OXSR1: variants seen among roughly 807,000 people sequenced by gnomAD.
OXSR1 encodes the protein oxidative stress responsive kinase 1.
In OXSR1, 24 loss-of-function variants were observed where a neutral mutation model predicts 79.8. The observed-to-expected ratio is 0.30, with a 90% confidence interval of 0.22 to 0.42. OXSR1 has a LOEUF of 0.42. Ranked by LOEUF, OXSR1 falls within the 10% of genes least tolerant of loss-of-function variation. The pLI, the probability that OXSR1 is intolerant of heterozygous loss-of-function variation, is 1.00. For missense variants in OXSR1, 430 were observed against 618.4 expected (o/e 0.70, Z 3.23); for synonymous variants, 226 against 209.2 (o/e 1.08, Z -0.69).
chr3:38,207,188 G>A (rs913345334), intron 4 of OXSR1, among the ~76,000 whole-genome samples: 2 of 152,172 alleles, frequency 1.3e-5, no homozygotes, highest in African/African-American at 4.8e-5. Flanking sequence ...AGCTGAATAG[G>A]CATGGTTGCA....
intron 5 of OXSR1, among the ~76,000 whole-genome samples, chr3:38,219,958 C>G (rs1702556716): frequency 6.6e-6 from 1 of 152,076 alleles, no homozygotes; most frequent in Non-Finnish European, 1.5e-5. Context: ...CAGGTGCCTG[C>G]CACAATGCCC....
intron 8 of OXSR1, 125 bp from the exon 9 acceptor site, chr3:38,229,562 A>C (rs1340825954): frequency 1.4e-5 from 9 of 664,798 alleles, no homozygotes; most frequent in Non-Finnish European, 2.4e-5. Context: ...AGTTTAAGGA[A>C]AGTAGAGTAT....
At chr3:38,248,611 G>C (rs977420998) in intron 14 of OXSR1, among the ~76,000 whole-genome samples, 16 of 152,272 alleles carry the variant, frequency 1.1e-4, no homozygotes, top group African/African-American at 3.8e-4. Context: ...ATTGGAGATA[G>C]AGGCAGCAAG....
At chr3:38,182,233 T>C (rs945576574) in intron 1 of OXSR1, among the ~76,000 whole-genome samples, 2 of 152,206 alleles carry the variant, frequency 1.3e-5, no homozygotes, top group Admixed American at 1.3e-4. Flanking sequence ...CCTGTGGATG[T>C]GGGGCCCTGG....
chr3:38,191,068 ACTGT>A (rs1701972852), intron 3 of OXSR1, among the ~76,000 whole-genome samples: 1 of 152,002 alleles, frequency 6.6e-6, no homozygotes, highest in Non-Finnish European at 1.5e-5. Flanking sequence ...CTTTTTAGAG[ACTGT>A]CTGGCTCTGT....
At chr3:38,193,774 C>CCTAG (rs1702026463) in intron 3 of OXSR1, among the ~76,000 whole-genome samples, 1 of 152,028 alleles carries the variant, frequency 6.6e-6, no homozygotes, top group Non-Finnish European at 1.5e-5. Context: ...ATTTTTCTAG[C>CCTAG]CTAGCACTCA....
chr3:38,213,606 A>G (rs1702428758), intron 4 of OXSR1, among the ~76,000 whole-genome samples: 1 of 152,208 alleles, frequency 6.6e-6, no homozygotes, highest in Admixed American at 6.5e-5. Context: ...ATTGTAGCAA[A>G]AGTACTGAAC....
At chr3:38,217,349 G>A (rs1204924205) in intron 5 of OXSR1, among the ~76,000 whole-genome samples, 1 of 152,170 alleles carries the variant, frequency 6.6e-6, no homozygotes, top group East Asian at 1.9e-4. Context: ...TTTCATTACA[G>A]TTGAAGATAT....
intron 8 of OXSR1, 57 bp downstream of exon 8, chr3:38,224,761 A>C: frequency 8.5e-7 from 1 of 1,182,632 alleles, no homozygotes; most frequent in Non-Finnish European, 1.2e-6. Flanking sequence ...GAGAAGTCTA[A>C]GAATCACATA....
intron 11 of OXSR1, among the ~76,000 whole-genome samples, chr3:38,240,165 T>C (rs774046757): frequency 5.3e-5 from 8 of 152,194 alleles, no homozygotes; most frequent in Non-Finnish European, 1.2e-4. Flanking sequence ...TATTTGACTA[T>C]GTGTTCTCAG....
At chr3:38,228,657 G>A (rs1181761545) in intron 8 of OXSR1, among the ~76,000 whole-genome samples, 5 of 152,224 alleles carry the variant, frequency 3.3e-5, no homozygotes, top group East Asian at 3.9e-4. Flanking sequence ...TGCAACCTCC[G>A]CCTCATGGGT....
intron 12 of OXSR1, among the ~76,000 whole-genome samples, chr3:38,244,996 C>T (rs1703111883): frequency 6.6e-6 from 1 of 152,054 alleles, no homozygotes; most frequent in South Asian, 2.1e-4. Context: ...AATGTAAGTA[C>T]ATACAATTTG....
chr3:38,194,320 C>T lies in OXSR1; in HGVS notation c.292+3481C>T, dbSNP rs527847480. Among the ~76,000 whole-genome samples the T allele has an allele frequency of 1.2e-4, 19 of 152,130 alleles. No homozygotes were observed. The South Asian group carries it at 1.9e-3, about 15-fold the overall frequency. ...GTCCCAGTGCTTTGGGAGGCTGAGG[C>T]GGAAGGATTGCTTTAGGCCAGGAGT... is the stretch of plus-strand genomic sequence containing the variant. On this transcript the variant is annotated intron_variant, in intron 3 of 17. Coordinates refer to ENST00000311806, the MANE Select transcript of OXSR1 (RefSeq NM_005109.3).
At chr3:38,184,954 G>GTTTTTTTTTTTTTTTTTTTTTTT (rs1559503629) in intron 2 of OXSR1, among the ~76,000 whole-genome samples, 1 of 96,258 alleles carries the variant, frequency 1.0e-5, no homozygotes. Flanking sequence ...TTTTTTTTGG[G>GTTTTTTTTTTTTTTTTTTTTTTT]TTTCTTTGAG....
At chr3:38,232,985 C>T (rs1181498451) in intron 10 of OXSR1, among the ~76,000 whole-genome samples, 1 of 152,072 alleles carries the variant, frequency 6.6e-6, no homozygotes, top group Non-Finnish European at 1.5e-5. Context: ...TTAATAGTGC[C>T]AGGTACCTCC....
intron 2 of OXSR1, among the ~76,000 whole-genome samples, chr3:38,187,614 A>G (rs534639026): frequency 2.7e-5 from 4 of 150,230 alleles, no homozygotes; most frequent in Admixed American, 6.6e-5. Context: ...TTACCATTAG[A>G]AAAAAAAGGC....
intron 1 of OXSR1, among the ~76,000 whole-genome samples, chr3:38,176,994 A>G (rs527772546): frequency 3.3e-5 from 5 of 152,330 alleles, no homozygotes; most frequent in African/African-American, 9.6e-5. Context: ...TAGATTATCC[A>G]GGGGTAGAAT....
intron 3 of OXSR1, among the ~76,000 whole-genome samples, chr3:38,194,893 G>A (rs577055407): frequency 4.2e-4 from 64 of 152,264 alleles, no homozygotes; most frequent in African/African-American, 1.4e-3. Context: ...ACGTTGTACT[G>A]TTGTAGAATT....
chr3:38,221,669 A>G lies in OXSR1; in HGVS notation c.582A>G (p.Ala194=), dbSNP rs769562416. 1.9e-6 allele frequency: 3 copies of G among 1,607,248 alleles called. No homozygotes were observed. Among genetic ancestry groups the G allele is most frequent in the Non-Finnish European group, 2.6e-6 (3 of 1,173,932 alleles). The change falls in exon 6 of 18, where the codon GCA becomes GCG. Residue 194 remains alanine (A), a synonymous_variant. Coordinates refer to ENST00000311806, the MANE Select transcript of OXSR1 (RefSeq NM_005109.3). The part of the protein sequence containing the change: ...KTFVGTPCWM[A]PEVMEQVRGY... ...TTGTTGGCACCCCTTGTTGGATGGC[A>G]CCTGAAGTTATGGAACAGGTACCGT...
Sources: allele counts gnomAD v4.1 joint callset (sites outside exome capture counted in the v4.1 genomes callset), GRCh38; gene constraint gnomAD v4.1.1; transcripts MANE v1.5; gene names NCBI Gene and HGNC (gene_info 2026-07-23, HGNC 2026-07-21).